The following KIZ variants were observed in gnomAD, a reference collection of about 807,000 sequenced individuals.
The protein encoded by KIZ is centrosomal protein kizuna.
Under a neutral mutation model 79.6 loss-of-function variants are expected in KIZ, and 68 were observed. The observed-to-expected ratio is 0.85, with a 90% confidence interval of 0.70 to 1.05. The LOEUF (loss-of-function observed/expected upper bound fraction) is 1.05. Ranked by LOEUF, KIZ falls within the 50% of genes least tolerant of loss-of-function variation. The pLI is 0.00. For missense variants in KIZ, 797 were observed against 800.4 expected, an observed-to-expected ratio of 1.00 and a Z score of 0.05; for synonymous variants, 280 against 281.8, an observed-to-expected ratio of 0.99 and a Z score of 0.06.
intron 9 of KIZ, among the ~76,000 whole-genome samples, chr20:21,221,940 C>A (rs2036515605): frequency 6.6e-6 from 1 of 151,926 alleles, no homozygotes; most frequent in Admixed American, 6.6e-5. Context: ...ATTTTCCTGA[C>A]AAGACTCAGT....
intron 6 of KIZ, chr20:21,197,546 T>C (rs566067824): frequency 2.6e-5 from 4 of 152,206 alleles, no homozygotes; most frequent in African/African-American, 9.6e-5. Flanking sequence ...ATACCTGTCA[T>C]TCAGGTGGAA....
intron 4 of KIZ, chr20:21,151,332 C>T (rs1387466000): frequency 6.6e-6 from 1 of 152,074 alleles, no homozygotes; most frequent in Non-Finnish European, 1.5e-5. Context: ...ATAACTTACC[C>T]ATTGTGGGGA....
chr20:21,159,906 CTG>C (rs559669522), intron 4 of KIZ, among the ~76,000 whole-genome samples: 132 of 152,320 alleles, frequency 8.7e-4, no homozygotes, highest in African/African-American at 3.1e-3. Context: ...GATGGTAACT[CTG>C]TTTAACTTTT....
At chr20:21,134,060 C>T (rs766814744) in intron 2 of KIZ, among the ~76,000 whole-genome samples, 1 of 152,170 alleles carries the variant, frequency 6.6e-6, no homozygotes, top group African/African-American at 2.4e-5. Flanking sequence ...CAGAGGCAGA[C>T]GCTCTCAGGT....
At chr20:21,233,968 T>C (rs904424766) in intron 11 of KIZ, among the ~76,000 whole-genome samples, 7 of 152,198 alleles carry the variant, frequency 4.6e-5, no homozygotes, top group Non-Finnish European at 2.9e-5. Flanking sequence ...TAAAGTATTA[T>C]GTTATTATGA....
intron 6 of KIZ, among the ~76,000 whole-genome samples, chr20:21,168,480 T>C (rs1216532441): frequency 1.3e-5 from 2 of 152,144 alleles, no homozygotes; most frequent in African/African-American, 2.4e-5. Context: ...GTAGGAAGAA[T>C]CAATATCGTG....
At position 21,145,627 on chromosome 20, in the gene KIZ, G is replaced by A; in HGVS notation, c.378G>A (p.Glu126=). ...LCSKDSLGLK[E]ELTDEDREKV... The stretch of plus-strand genomic sequence containing the variant: ...CAAAAGATAGCCTGGGACTAAAAGA[G>A]GAACTGACAGATGAAGACAGAGAAA... The change falls in exon 4 of 13, where the codon GAG becomes GAA. Residue 126 remains glutamate, a synonymous_variant. Coordinates refer to ENST00000619189, the MANE Select transcript of KIZ (RefSeq NM_018474.6). The A allele has an allele frequency of 6.6e-7, 1 of 1,519,594 alleles. No individual in the cohort carries two copies. Among genetic ancestry groups the A allele is most frequent in the Non-Finnish European group, 8.9e-7 (1 of 1,123,038 alleles). The allele number at this position is 1,519,594 out of a possible 1,614,324, so 94.1% of individuals were successfully genotyped here. A position where few individuals can be genotyped will look rare whatever the true frequency, so the allele number is the denominator to read the frequency against.
intron 6 of KIZ, chr20:21,166,357 C>T (rs1390179928): frequency 5.6e-6 from 9 of 1,604,222 alleles, no homozygotes; most frequent in Admixed American, 1.7e-5. Context: ...TTGAGTTGCA[C>T]GTCAAATCTG....
chr20:21,234,883 CT>C (rs1046977678), intron 11 of KIZ, among the ~76,000 whole-genome samples: 80 of 151,748 alleles, frequency 5.3e-4, no homozygotes, highest in African/African-American at 1.9e-3. Flanking sequence ...AAAGCAGCGG[CT>C]TGGGCGCAAA....
At chr20:21,170,369 T>C (rs1208989203) in intron 6 of KIZ, among the ~76,000 whole-genome samples, 6 of 152,068 alleles carry the variant, frequency 3.9e-5, no homozygotes, top group Non-Finnish European at 1.5e-5. Context: ...CCTTTTGTGC[T>C]ATCAAATACC....
chr20:21,226,603 C>G (rs1368370959), intron 9 of KIZ, among the ~76,000 whole-genome samples: 2 of 152,220 alleles, frequency 1.3e-5, no homozygotes, highest in Non-Finnish European at 2.9e-5. Flanking sequence ...GCTAGGCGCT[C>G]TGCCCTCTCC....
chr20:21,134,139 G>A (rs1234868670), intron 2 of KIZ, among the ~76,000 whole-genome samples: 2 of 152,120 alleles, frequency 1.3e-5, no homozygotes, highest in African/African-American at 2.4e-5. Context: ...AAAAAAGGTC[G>A]GGCCAGGAGG....
intron 12 of KIZ, chr20:21,246,018 T>C (rs1245995108): frequency 6.4e-6 from 1 of 156,830 alleles, no homozygotes; most frequent in Non-Finnish European, 1.4e-5. Context: ...GTAAATGATG[T>C]GGACCAAAGT....
At chr20:21,187,379 GC>G (rs1371656665) in intron 6 of KIZ, among the ~76,000 whole-genome samples, 1 of 152,140 alleles carries the variant, frequency 6.6e-6, no homozygotes, top group African/African-American at 2.4e-5. Flanking sequence ...TCATCTGAGT[GC>G]CCCCTCAGTG....
chr20:21,203,965 CCCCAGCACCCACCATTCAA>C (rs1387612278), intron 6 of KIZ, among the ~76,000 whole-genome samples: 1 of 152,186 alleles, frequency 6.6e-6, no homozygotes, highest in Admixed American at 6.5e-5. Context: ...TCCCCCCAGG[CCCCAGCACCCACCATTCAA>C]CTTCTATCTT....
At chr20:21,152,159 A>G (rs2033152190) in intron 4 of KIZ, among the ~76,000 whole-genome samples, 1 of 152,222 alleles carries the variant, frequency 6.6e-6, no homozygotes, top group African/African-American at 2.4e-5. Flanking sequence ...AGGTGTGAAT[A>G]GGCATCCTAA....
intron 7 of KIZ, chr20:21,213,858 A>C (rs1448013130): frequency 1.3e-5 from 2 of 152,224 alleles, no homozygotes; most frequent in Non-Finnish European, 2.9e-5. Context: ...ATGCCTTTGA[A>C]AAAAGATAGG....
chr20:21,147,802 G>A (rs1190636392), intron 4 of KIZ, among the ~76,000 whole-genome samples: 1 of 152,204 alleles, frequency 6.6e-6, no homozygotes, highest in Non-Finnish European at 1.5e-5. Flanking sequence ...TGTGAATTGA[G>A]TAATCCCAGC....
At chr20:21,167,559 C>T (rs1286081338) in intron 6 of KIZ, among the ~76,000 whole-genome samples, 7 of 111,770 alleles carry the variant, frequency 6.3e-5, no homozygotes, top group Admixed American at 1.1e-4. Context: ...GTTTGTTTCG[C>T]TTTTTTTTTT....
Sources: allele counts gnomAD v4.1 joint callset (sites outside exome capture counted in the v4.1 genomes callset), GRCh38; gene constraint gnomAD v4.1.1; transcripts MANE v1.5; gene names NCBI Gene and HGNC (gene_info 2026-07-23, HGNC 2026-07-21).